The following LRCH3 variants were observed in gnomAD, a reference collection of about 807,000 sequenced individuals.
LRCH3 encodes the protein leucine rich repeats and calponin homology domain containing 3, also known as DISP complex protein LRCH3.
In LRCH3, 68 loss-of-function variants were observed where a neutral mutation model predicts 104.5. The ratio of observed to expected loss-of-function variants is 0.65; its 90% CI spans 0.54 to 0.80. The LOEUF (loss-of-function observed/expected upper bound fraction) is 0.80. LRCH3 is among the 30% of genes least tolerant of loss of function. The pLI is 0.00. For missense variants in LRCH3, 951 were observed against 953.9 expected (o/e 1.00, Z 0.04); for synonymous variants, 344 against 361.3 (o/e 0.95, Z 0.54).
chr3:197,880,201 T>C (rs904628102), intron 20 of LRCH3, among the ~76,000 whole-genome samples: 2 of 152,074 alleles, frequency 1.3e-5, no homozygotes, highest in African/African-American at 2.4e-5. Context: ...CGCCTCGGCC[T>C]CCCAAAGTGC....
intron 1 of LRCH3, among the ~76,000 whole-genome samples, chr3:197,792,577 T>TTATATATA (rs11420466): frequency 0.014 from 282 of 20,304 alleles, 37 homozygotes; most frequent in Middle Eastern, 0.043. Flanking sequence ...CCAGCTAATT[T>TTATATATA]TATATATATA....
At chr3:197,834,480 A>C (rs932936874) in intron 8 of LRCH3, among the ~76,000 whole-genome samples, 2 of 152,146 alleles carry the variant, frequency 1.3e-5, no homozygotes, top group Non-Finnish European at 2.9e-5. Context: ...ACAGGAAGGG[A>C]GATAGTAGTC....
At chr3:197,847,801 A>G (rs1426527311) in intron 11 of LRCH3, 71 bp from the exon 12 acceptor site, 18 of 1,505,094 alleles carry the variant, frequency 1.2e-5, no homozygotes, top group African/African-American at 2.8e-5. Context: ...TAGTTCCCTA[A>G]ATTGATAGGG....
In LRCH3 at chr3:197,820,292, G is replaced by A. The variant is rs773725599; in HGVS notation, c.535-33G>A. The stretch of plus-strand genomic sequence containing the variant: ...TAAAGCAGACAAGTTTGTAATGTTA[G>A]GACAATCTTTATTTTGTATCTTTTC... On this transcript the variant is annotated intron_variant, in intron 3 of 20. Transcript: ENST00000425562. The A allele has an allele frequency of 4.8e-6, 7 of 1,454,226 alleles. No homozygotes were observed. In the African/African-American group the frequency reaches 5.6e-5, roughly 12 times the overall value. 90.1% of individuals were successfully genotyped at this position (1,454,226 alleles called of 1,614,324 possible).
rs779440004 is a variant in LRCH3 at position 197,817,279 on chromosome 3, C to T, written c.511C>T (p.His171Tyr). Residue 171 changes from histidine (H) to tyrosine (Y), a missense_variant, in exon 3 of 21, where the codon CAC becomes TAC. His to Tyr is a moderately conservative substitution (Grantham distance 83). Transcript: ENST00000425562. Reference sequence around the variant, plus strand: ...GGTGTCACTTCCAGAAGAAATTGGACACCTTAGACATTTGATGGAACTTGT... The same window carrying T: ...GGTGTCACTTCCAGAAGAAATTGGATACCTTAGACATTTGATGGAACTTGT... The part of the protein sequence containing the change: ...KLVSLPEEIG[H>Y]LRHLMELDVS... 3 of 1,604,398 alleles carry T rather than the reference C, an allele frequency of 1.9e-6. No individual in the cohort carries two copies. In the African/African-American group the frequency reaches 4.1e-5, roughly 22 times the overall value.
chr3:197,866,053 A>G (rs1741444756), intron 16 of LRCH3, 59 bp from the exon 17 acceptor site: 3 of 1,174,174 alleles, frequency 2.6e-6, no homozygotes, highest in Admixed American at 3.5e-5. Flanking sequence ...TGTAACTTGT[A>G]TGTCTGCTAT....
At chr3:197,793,262 T>C (rs1239313284) in intron 1 of LRCH3, among the ~76,000 whole-genome samples, 1 of 152,228 alleles carries the variant, frequency 6.6e-6, no homozygotes, top group Non-Finnish European at 1.5e-5. Flanking sequence ...TAGTTTAAAA[T>C]AGAAGAAATT....
chr3:197,882,620 AGC>A, intron 20 of LRCH3: 1 of 963,638 alleles, frequency 1.0e-6, no homozygotes, highest in Non-Finnish European at 1.2e-6. Context: ...TCTTTGTAAG[AGC>A]AATCTCTTTT....
At chr3:197,798,933 C>T (rs556157088) in intron 1 of LRCH3, among the ~76,000 whole-genome samples, 2 of 152,336 alleles carry the variant, frequency 1.3e-5, no homozygotes, top group African/African-American at 4.8e-5. Flanking sequence ...GGACCAACCT[C>T]CTCTCTGTCA....
At chr3:197,843,650 C>T (rs549246717) in intron 10 of LRCH3, among the ~76,000 whole-genome samples, 17 of 151,890 alleles carry the variant, frequency 1.1e-4, no homozygotes, top group East Asian at 1.9e-4. Flanking sequence ...TGCCCCTGCA[C>T]GCCAGCCTGG....
intron 12 of LRCH3, chr3:197,850,604 G>C: frequency 2.5e-6 from 4 of 1,584,320 alleles, no homozygotes; most frequent in Non-Finnish European, 3.4e-6. Flanking sequence ...TGTTCACTTG[G>C]ATATGCTCAA....
chr3:197,829,709 T>C (rs1284079162), intron 6 of LRCH3, 36 bp downstream of exon 6: 1 of 1,417,678 alleles, frequency 7.1e-7, no homozygotes, highest in Non-Finnish European at 9.7e-7. Context: ...ATCATATTTT[T>C]TGTACAGAGA....
chr3:197,828,633 C>T (rs1452945734), intron 5 of LRCH3, among the ~76,000 whole-genome samples: 2 of 151,900 alleles, frequency 1.3e-5, no homozygotes, highest in Non-Finnish European at 2.9e-5. Context: ...GTGTGAGCCA[C>T]CGCGCCCGGC....
At chr3:197,795,813 C>T (rs1334358330) in intron 1 of LRCH3, among the ~76,000 whole-genome samples, 1 of 151,088 alleles carries the variant, frequency 6.6e-6, no homozygotes, top group African/African-American at 2.4e-5. Flanking sequence ...CTGCCTCAGC[C>T]TCCTGAGTAG....
chr3:197,815,757 T>A lies in LRCH3; in HGVS notation c.407+705T>A, dbSNP rs562136945. ...TTTATTCAACTAGTCTACTCCACTT[T>A]CACATCTTAAAATAACTCTTGTTGT... On this transcript the variant is annotated intron_variant, in intron 2 of 20. Coordinates refer to ENST00000425562, the MANE Select transcript of LRCH3 (RefSeq NM_001365715.1). Among the ~76,000 whole-genome samples the A allele has an allele frequency of 2.4e-3, 365 of 152,338 alleles. 2 individuals carry two copies. The highest frequency in any genetic ancestry group is 8.1e-3 in the African/African-American group (336 of 41,578).
intron 1 of LRCH3, among the ~76,000 whole-genome samples, chr3:197,798,373 G>A (rs905536704): frequency 2.0e-5 from 3 of 152,244 alleles, no homozygotes; most frequent in Non-Finnish European, 4.4e-5. Flanking sequence ...AAGAGTCATA[G>A]CTGAAGCTTG....
chr3:197,824,860 G>A (rs1734968467), intron 4 of LRCH3, among the ~76,000 whole-genome samples: 2 of 151,500 alleles, frequency 1.3e-5, no homozygotes, highest in African/African-American at 4.8e-5. Context: ...GTGAGCCACT[G>A]CACCTGGCCT....
At position 197,847,787 on chromosome 3, in the gene LRCH3, A is replaced by G. The variant is rs1452391242; in HGVS notation, c.1381-85A>G. 10 of 1,353,454 alleles carry G rather than the reference A, an allele frequency of 7.4e-6. No individual in the cohort carries two copies. In the East Asian group the frequency reaches 1.3e-4, roughly 17 times the overall value. The allele number at this position is 1,353,454 out of a possible 1,614,324, so 83.8% of individuals were successfully genotyped here. Reference sequence around the variant, plus strand: ...TTCAAAGCAAAAGTTGCATGGGTCAACAGTAGTTCCCTAAATTGATAGGGA... The same window carrying G: ...TTCAAAGCAAAAGTTGCATGGGTCAGCAGTAGTTCCCTAAATTGATAGGGA... On this transcript the variant is annotated intron_variant, in intron 11 of 20. Transcript: ENST00000425562.
intron 10 of LRCH3, among the ~76,000 whole-genome samples, chr3:197,843,305 T>C (rs1451845567): frequency 6.6e-6 from 1 of 151,960 alleles, no homozygotes; most frequent in Admixed American, 6.6e-5. Flanking sequence ...ATTTTGTAAA[T>C]AAAGAAAAAC....
Sources: allele counts gnomAD v4.1 joint callset (sites outside exome capture counted in the v4.1 genomes callset), GRCh38; gene constraint gnomAD v4.1.1; transcripts MANE v1.5; gene names NCBI Gene and HGNC (gene_info 2026-07-23, HGNC 2026-07-21).